DGKB: variants seen among roughly 807,000 people sequenced by gnomAD.
The protein encoded by DGKB is diacylglycerol kinase beta, also known as 90 kDa diacylglycerol kinase.
Under a neutral mutation model 114.3 loss-of-function variants are expected in DGKB, and 67 were observed. That is an observed-to-expected ratio of 0.59 (90% confidence interval 0.48 to 0.72). The LOEUF is 0.72. Among genes scored for constraint, DGKB ranks in the 30% least tolerant of loss-of-function variants. DGKB has a pLI of 0.00. For missense variants in DGKB, 907 were observed against 975.2 expected (o/e 0.93, Z 0.93); for synonymous variants, 398 against 323.1 (o/e 1.23, Z -2.49).
At chr7:14,969,955 T>C (rs542421598) in intron 1 of DGKB, among the ~76,000 whole-genome samples, 1 of 152,310 alleles carries the variant, frequency 6.6e-6, no homozygotes, top group South Asian at 2.1e-4. Flanking sequence ...TGCTAGACTA[T>C]AGAAAATTTT....
intron 21 of DGKB, among the ~76,000 whole-genome samples, chr7:14,391,338 A>G (rs1376111201): frequency 6.6e-6 from 1 of 152,024 alleles, no homozygotes; most frequent in African/African-American, 2.4e-5. Context: ...ATATTCTCCA[A>G]CTTATTTGAT....
intron 2 of DGKB, among the ~76,000 whole-genome samples, chr7:14,812,613 C>A (rs1843592582): frequency 6.6e-6 from 1 of 152,082 alleles, no homozygotes; most frequent in African/African-American, 2.4e-5. Context: ...CTAGAATATT[C>A]TAAGCTACAG....
At chr7:14,166,735 GAGTTTTT>G (rs112342864) in intron 25 of DGKB, among the ~76,000 whole-genome samples, 12,713 of 152,072 alleles carry the variant, frequency 0.084, 1,433 homozygotes, top group African/African-American at 0.26. Flanking sequence ...AACCAGTGAT[GAGTTTTT>G]AGTTTTTAGT....
At chr7:14,207,324 C>T (rs966131569) in intron 23 of DGKB, among the ~76,000 whole-genome samples, 4 of 152,010 alleles carry the variant, frequency 2.6e-5, no homozygotes, top group East Asian at 1.9e-4. Context: ...CTTTGCCAGT[C>T]GGGTGCATTG....
At chr7:14,231,922 T>C (rs1270402569) in intron 23 of DGKB, among the ~76,000 whole-genome samples, 1 of 152,036 alleles carries the variant, frequency 6.6e-6, no homozygotes, top group African/African-American at 2.4e-5. Context: ...TTCTATGTAA[T>C]GTTTAACTTA....
At chr7:14,677,639 T>G (rs1820098291) in intron 12 of DGKB, among the ~76,000 whole-genome samples, 2 of 152,038 alleles carry the variant, frequency 1.3e-5, no homozygotes, top group Non-Finnish European at 2.9e-5. Context: ...GAGCTTACCT[T>G]GACAAGCAAT....
rs1554404750 is a variant in DGKB at position 14,392,995 on chromosome 7, G to GTTTTTTTGTTT, written c.1836-47605_1836-47604insAAACAAAAAAA. On this transcript the variant is annotated intron_variant, in intron 21 of 25. Coordinates refer to ENST00000402815, the MANE Select transcript of DGKB (RefSeq NM_001350709.2). ...CAAAACAGACCTGTTTTTTGTTTTT[G>GTTTTTTTGTTT]TTTTTTTTTTTTTGAGACGGAGTCT... is the stretch of plus-strand genomic sequence containing the variant. Among the ~76,000 whole-genome samples, 3 of 60,542 alleles carry GTTTTTTTGTTT rather than the reference G, an allele frequency of 5.0e-5. 1 individual carries two copies. Among genetic ancestry groups the GTTTTTTTGTTT allele is most frequent in the Non-Finnish European group, 1.0e-4 (3 of 29,028 alleles). The allele number at this position is 60,542 out of a possible 152,430, so 39.7% of individuals were successfully genotyped here.
chr7:14,360,504 A>G (rs1284324563), intron 21 of DGKB, among the ~76,000 whole-genome samples: 1 of 151,780 alleles, frequency 6.6e-6, no homozygotes, highest in Admixed American at 6.6e-5. Context: ...AGAGTTCAAC[A>G]TATATTTAAG....
At chr7:14,423,544 G>A (rs534223640) in intron 21 of DGKB, among the ~76,000 whole-genome samples, 28 of 152,146 alleles carry the variant, frequency 1.8e-4, no homozygotes, top group Middle Eastern at 3.4e-3. Context: ...TTATTTAACT[G>A]TGTAATTACT....
chr7:14,206,632 A>T (rs898682453), intron 23 of DGKB, among the ~76,000 whole-genome samples: 3 of 152,042 alleles, frequency 2.0e-5, no homozygotes, highest in Non-Finnish European at 4.4e-5. Context: ...TAAACAACAT[A>T]ATCAGATTTT....
chr7:14,242,231 C>A (rs1304091271), intron 23 of DGKB, among the ~76,000 whole-genome samples: 2 of 152,076 alleles, frequency 1.3e-5, no homozygotes, highest in African/African-American at 4.8e-5. Flanking sequence ...CCAGTGTAGA[C>A]TGAGTTCTCT....
intron 23 of DGKB, among the ~76,000 whole-genome samples, chr7:14,197,551 C>A (rs912904014): frequency 2.0e-4 from 31 of 152,168 alleles, no homozygotes; most frequent in Non-Finnish European, 2.6e-4. Context: ...TATTCAGTTA[C>A]AGATACAGAA....
chr7:14,249,711 T>C (rs1247743589), intron 23 of DGKB, among the ~76,000 whole-genome samples: 1 of 152,160 alleles, frequency 6.6e-6, no homozygotes. Context: ...TGGTTTTAAT[T>C]GGATCTTCTC....
chr7:14,400,838 G>C (rs1226760126), intron 21 of DGKB, among the ~76,000 whole-genome samples: 1 of 151,750 alleles, frequency 6.6e-6, no homozygotes, highest in Non-Finnish European at 1.5e-5. Flanking sequence ...AATGCCAAGA[G>C]GGAGAGACCT....
intron 23 of DGKB, among the ~76,000 whole-genome samples, chr7:14,232,349 C>T (rs1449717200): frequency 6.8e-6 from 1 of 148,144 alleles, no homozygotes; most frequent in Non-Finnish European, 1.5e-5. Context: ...AATTCCTTGC[C>T]CACAAAATCT....
intron 23 of DGKB, among the ~76,000 whole-genome samples, chr7:14,313,731 G>C (rs1444903707): frequency 3.3e-5 from 5 of 152,138 alleles, no homozygotes; most frequent in South Asian, 2.1e-4. Flanking sequence ...GCCCAGGCTT[G>C]CTTAGGTAAA....
intron 21 of DGKB, among the ~76,000 whole-genome samples, chr7:14,459,427 A>T (rs13232275): frequency 6.6e-6 from 1 of 152,192 alleles, no homozygotes; most frequent in Non-Finnish European, 1.5e-5. Flanking sequence ...TGGAGCTGAA[A>T]AACACAGCAC....
intron 25 of DGKB, chr7:14,176,250 C>G: frequency 1.3e-6 from 1 of 798,992 alleles, no homozygotes; most frequent in Non-Finnish European, 1.5e-6. Context: ...CAGTTCCTAG[C>G]ATGTTTTTGA....
chr7:14,682,005 G>A (rs926117750), intron 12 of DGKB, among the ~76,000 whole-genome samples: 3 of 151,940 alleles, frequency 2.0e-5, no homozygotes, highest in African/African-American at 4.8e-5. Flanking sequence ...AATAAAACAC[G>A]GTCTACTTGC....
Sources: allele counts gnomAD v4.1 joint callset (sites outside exome capture counted in the v4.1 genomes callset), GRCh38; gene constraint gnomAD v4.1.1; transcripts MANE v1.5; gene names NCBI Gene and HGNC (gene_info 2026-07-23, HGNC 2026-07-21).